Variants in COMMD1 observed in about 807,000 individuals in gnomAD.
COMMD1 encodes the protein copper metabolism domain containing 1.
Under a neutral mutation model 17.2 loss-of-function variants are expected in COMMD1, and 10 were observed. The observed-to-expected ratio is 0.58, with a 90% confidence interval of 0.36 to 0.99. COMMD1 has a LOEUF of 0.99. Ranked by LOEUF, COMMD1 falls within the 50% of genes least tolerant of loss-of-function variation. The pLI is 0.01. For missense variants in COMMD1, 270 were observed against 231.8 expected, an observed-to-expected ratio of 1.17 and a Z score of -1.07; for synonymous variants, 97 against 91.6, an observed-to-expected ratio of 1.06 and a Z score of -0.34.
intron 2 of COMMD1, among the ~76,000 whole-genome samples, chr2:62,054,972 A>T (rs894420753): frequency 1.6e-4 from 24 of 152,180 alleles, no homozygotes; most frequent in African/African-American, 5.8e-4. Context: ...TGATGATCTG[A>T]GGTGGAGCTG....
At chr2:61,993,316 C>T (rs1002532305) in intron 1 of COMMD1, among the ~76,000 whole-genome samples, 4 of 152,216 alleles carry the variant, frequency 2.6e-5, no homozygotes, top group African/African-American at 9.6e-5. Context: ...TAGAACTTGA[C>T]AACTGAAAGT....
intron 1 of COMMD1, among the ~76,000 whole-genome samples, chr2:61,970,685 G>C (rs1671624743): frequency 6.6e-6 from 1 of 152,090 alleles, no homozygotes; most frequent in Non-Finnish European, 1.5e-5. Context: ...TGACTTACTA[G>C]AAATACCATG....
At chr2:61,985,001 A>C (rs1431585305) in intron 1 of COMMD1, among the ~76,000 whole-genome samples, 1 of 148,496 alleles carries the variant, frequency 6.7e-6, no homozygotes, top group East Asian at 2.0e-4. Flanking sequence ...ATTTGCCTGG[A>C]ATATCTTTTC....
chr2:61,913,617 A>G (rs1331992393), intron 1 of COMMD1, among the ~76,000 whole-genome samples: 1 of 151,200 alleles, frequency 6.6e-6, no homozygotes, highest in Non-Finnish European at 1.5e-5. Context: ...TGGCTCTACT[A>G]AAAATTGGCT....
At chr2:62,128,101 G>A (rs1185324136) in intron 2 of COMMD1, among the ~76,000 whole-genome samples, 1 of 151,732 alleles carries the variant, frequency 6.6e-6, no homozygotes, top group Non-Finnish European at 1.5e-5. Context: ...GCTGAGGCAG[G>A]TGGATCATTT....
rs989912810 is a variant in COMMD1 at position 61,905,750 on chromosome 2, C to T, written c.72C>T (p.Phe24=). The part of the protein sequence containing the change: ...GLLNALAQDT[F]HGYPGITEEL... Reference sequence around the variant, plus strand: ...TGAATGCGCTGGCCCAGGACACTTTCCACGGGTACCCCGGCATCACAGAGG... The same window carrying T: ...TGAATGCGCTGGCCCAGGACACTTTTCACGGGTACCCCGGCATCACAGAGG... The change falls in exon 1 of 3, where the codon TTC becomes TTT. Residue 24 remains phenylalanine, a synonymous_variant. Coordinates refer to ENST00000311832, the MANE Select transcript of COMMD1 (RefSeq NM_152516.4). The T allele has an allele frequency of 6.2e-7, 1 of 1,613,794 alleles. No homozygotes were observed. Among genetic ancestry groups the T allele is most frequent in the Non-Finnish European group, 8.5e-7 (1 of 1,179,934 alleles).
intron 1 of COMMD1, among the ~76,000 whole-genome samples, chr2:61,995,172 C>T (rs974227219): frequency 6.6e-6 from 1 of 152,084 alleles, no homozygotes; most frequent in Non-Finnish European, 1.5e-5. Flanking sequence ...TCATTGTCAA[C>T]CTCCAGGGCT....
chr2:61,889,139 G>A (rs1021887936), intron 1 of COMMD1, among the ~76,000 whole-genome samples: 6 of 148,054 alleles, frequency 4.1e-5, no homozygotes, highest in African/African-American at 1.2e-4. Context: ...CCGACCTCAG[G>A]TGATCCACCC....
chr2:62,112,107 T>G (rs757034314), intron 2 of COMMD1, among the ~76,000 whole-genome samples: 15 of 152,190 alleles, frequency 9.9e-5, no homozygotes, highest in Non-Finnish European at 2.1e-4. Context: ...TTTAAAAGGT[T>G]AAGAAGGGCT....
intron 2 of COMMD1, among the ~76,000 whole-genome samples, chr2:62,016,592 G>A (rs1415354995): frequency 6.7e-6 from 1 of 150,294 alleles, no homozygotes; most frequent in Non-Finnish European, 1.5e-5. Flanking sequence ...AGTTGTAGGA[G>A]TTTTTTTAAA....
chr2:62,098,956 A>G lies in COMMD1; in HGVS notation c.463-36875A>G, dbSNP rs539991909. ...AAAGGGATCTTCAGTCGGACTGGGG[A>G]ATCCAGGTACCAGGGCCTTTAACTC... On this transcript the variant is annotated intron_variant, in intron 2 of 2. Coordinates refer to ENST00000311832, the MANE Select transcript of COMMD1 (RefSeq NM_152516.4). 5.3e-5 allele frequency among the ~76,000 whole-genome samples: 8 copies of G among 152,302 alleles called. 1 individual carries two copies. The highest frequency in any genetic ancestry group is 1.9e-4 in the African/African-American group (8 of 41,570).
chr2:62,114,895 G>A (rs1249521108), intron 2 of COMMD1, among the ~76,000 whole-genome samples: 1 of 152,188 alleles, frequency 6.6e-6, no homozygotes, highest in Non-Finnish European at 1.5e-5. Context: ...TGGCAGCGAG[G>A]TTCCTTGGTC....
intron 1 of COMMD1, among the ~76,000 whole-genome samples, chr2:61,930,953 G>A (rs151058263): frequency 1.3e-5 from 2 of 152,078 alleles, no homozygotes; most frequent in East Asian, 1.9e-4. Flanking sequence ...ATATATGCTC[G>A]AACTCATGGC....
intron 2 of COMMD1, among the ~76,000 whole-genome samples, chr2:62,050,315 G>A (rs1435763294): frequency 1.3e-5 from 2 of 152,132 alleles, no homozygotes; most frequent in African/African-American, 2.4e-5. Context: ...AATTATAAAA[G>A]TGACATAACT....
At chr2:61,938,886 A>G (rs1670666744) in intron 1 of COMMD1, among the ~76,000 whole-genome samples, 1 of 152,168 alleles carries the variant, frequency 6.6e-6, no homozygotes, top group African/African-American at 2.4e-5. Context: ...AGAAAAAGGA[A>G]CCTCTTCCAT....
At chr2:61,967,895 T>A (rs925797449) in intron 1 of COMMD1, among the ~76,000 whole-genome samples, 1 of 152,194 alleles carries the variant, frequency 6.6e-6, no homozygotes, top group East Asian at 1.9e-4. Context: ...GTGTGGTGGC[T>A]CATGCCTATA....
At chr2:61,892,798 T>C (rs1669464217) in intron 1 of COMMD1, among the ~76,000 whole-genome samples, 1 of 151,916 alleles carries the variant, frequency 6.6e-6, no homozygotes, top group South Asian at 2.1e-4. Flanking sequence ...TTTTGTATTT[T>C]TCTCTGCATT....
At chr2:61,914,178 A>G (rs990713212) in intron 1 of COMMD1, among the ~76,000 whole-genome samples, 2 of 152,220 alleles carry the variant, frequency 1.3e-5, no homozygotes, top group South Asian at 4.2e-4. Context: ...TCTCAAATAA[A>G]TAAATAAATA....
intron 1 of COMMD1, among the ~76,000 whole-genome samples, chr2:61,916,061 G>A (rs996557231): frequency 2.6e-4 from 39 of 151,730 alleles, no homozygotes; most frequent in African/African-American, 9.0e-4. Context: ...GTCTTGACCT[G>A]TCGGGCTCAA....
Sources: allele counts gnomAD v4.1 joint callset (sites outside exome capture counted in the v4.1 genomes callset), GRCh38; gene constraint gnomAD v4.1.1; transcripts MANE v1.5; gene names NCBI Gene and HGNC (gene_info 2026-07-23, HGNC 2026-07-21).